Variants in CD8B2 observed in about 807,000 individuals in gnomAD.
The protein encoded by CD8B2 is CD8B family member 2.
CD8B2 carries 11 observed loss-of-function variants against 23.7 expected under a neutral mutation model. The ratio of observed to expected loss-of-function variants is 0.46; its 90% confidence interval spans 0.29 to 0.77. CD8B2 has a LOEUF of 0.77. Among genes scored for constraint, CD8B2 ranks in the 30% least tolerant of loss-of-function variants. The pLI, the probability that CD8B2 is intolerant of heterozygous loss-of-function variation, is 0.09. For synonymous variants in CD8B2, 90 were observed against 109.3 expected, an observed-to-expected ratio of 0.82 and a Z score of 1.10; for missense variants, 197 against 270.5, an observed-to-expected ratio of 0.73 and a Z score of 1.91.
intron 5 of CD8B2, among the ~76,000 whole-genome samples, chr2:106,527,821 A>ACAAG (rs1679935876): frequency 6.6e-6 from 1 of 151,022 alleles, no homozygotes; most frequent in Admixed American, 6.6e-5. Flanking sequence ...AAACAAACAA[A>ACAAG]CAAACAAAAA....
chr2:106,514,076 C>T (rs1294565943), downstream of CD8B2, among the ~76,000 whole-genome samples: 1 of 146,204 alleles, frequency 6.8e-6, no homozygotes, highest in African/African-American at 2.6e-5. Context: ...GAAAGGCTCA[C>T]AGTGGCTCAG....
chr2:106,529,243 C>T (rs559811593), intron 5 of CD8B2, among the ~76,000 whole-genome samples: 4 of 152,076 alleles, frequency 2.6e-5, no homozygotes, highest in Admixed American at 2.0e-4. Flanking sequence ...TAGAAGTGGC[C>T]GCAGGAAAGA....
intron 5 of CD8B2, 116 bp from the exon 6 acceptor site, chr2:106,506,812 C>T: frequency 2.8e-6 from 4 of 1,432,746 alleles, no homozygotes; most frequent in Non-Finnish European, 2.8e-6. Flanking sequence ...AAACTCTCGG[C>T]CCCAGGCTAC....
rs1679295827 is a variant in CD8B2 at position 106,496,165 on chromosome 2, T to C, written c.404-8T>C. ...GGCTAAGATATGTGTCTTGCTTTCTTTCTGTAGTTGATTTCCTTCCCACCA... is the reference window on the plus strand; with the variant it reads ...GGCTAAGATATGTGTCTTGCTTTCTCTCTGTAGTTGATTTCCTTCCCACCA... On this transcript the variant is annotated splice_polypyrimidine_tract_variant and splice_region_variant and intron_variant, in intron 2 of 5. Coordinates refer to ENST00000643224, the MANE Select transcript of CD8B2 (RefSeq NM_001349727.2). The C allele has an allele frequency of 6.5e-7, 1 of 1,542,314 alleles. No homozygotes were observed. Among genetic ancestry groups the C allele is most frequent in the Non-Finnish European group, 8.8e-7 (1 of 1,140,870 alleles).
intron 5 of CD8B2, among the ~76,000 whole-genome samples, chr2:106,541,342 C>A (rs191869435): frequency 6.6e-6 from 1 of 152,308 alleles, no homozygotes; most frequent in African/African-American, 2.4e-5. Flanking sequence ...CCTCTTCCCC[C>A]AAAACCAGAT....
At chr2:106,533,300 A>G (rs1680019040) in intron 5 of CD8B2, among the ~76,000 whole-genome samples, 1 of 152,196 alleles carries the variant, frequency 6.6e-6, no homozygotes, top group South Asian at 2.1e-4. Context: ...AAACATCTTT[A>G]AAGGAACAGG....
chr2:106,496,026 C>T lies in CD8B2; in HGVS notation c.404-147C>T, dbSNP rs532757776. ...GTTGCCCAGGCTGGTCTCAACCTCC[C>T]GAGCTCAAATGATCTCCTGCCTTGG... On this transcript the variant is annotated intron_variant, in intron 2 of 5. Coordinates refer to ENST00000643224, the MANE Select transcript of CD8B2 (RefSeq NM_001349727.2). 7.5e-4 allele frequency: 1,027 copies of T among 1,361,792 alleles called. 3 individuals are homozygous for T. The highest frequency in any genetic ancestry group is 8.9e-4 in the Non-Finnish European group (882 of 995,020). The allele number at this position is 1,361,792 out of a possible 1,614,324, so 84.4% of individuals were successfully genotyped here. A position where few individuals can be genotyped will look rare whatever the true frequency, so the allele number is the denominator to read the frequency against.
rs186536815 is a variant in CD8B2, at chr2:106,529,359, T to C, written c.621-14633T>C. Among the ~76,000 whole-genome samples, 162 of 152,164 alleles carry C rather than the reference T, an allele frequency of 1.1e-3. 2 individuals carry two copies. Among genetic ancestry groups the C allele is most frequent in the African/African-American group, 3.8e-3 (158 of 41,558 alleles). ...AAGATGGAGCATTGGTTGTTCTTAGTTGTCCTTGGTATCCCCTTAATGAGC... is the reference window on the plus strand; with the variant it reads ...AAGATGGAGCATTGGTTGTTCTTAGCTGTCCTTGGTATCCCCTTAATGAGC... On this transcript the variant is annotated intron_variant, in intron 5 of 5. Coordinates refer to the CD8B2 transcript ENST00000416057.
chr2:106,534,795 T>C (rs1324655148), intron 5 of CD8B2, among the ~76,000 whole-genome samples: 1 of 148,734 alleles, frequency 6.7e-6, no homozygotes, highest in Non-Finnish European at 1.5e-5. Flanking sequence ...TATATATTTT[T>C]AAAATTGAGA....
In CD8B2 at chr2:106,488,666, G is replaced by C. The variant is rs578230870; in HGVS notation, c.43+1197G>C. On this transcript the variant is annotated intron_variant, in intron 1 of 5. Transcript: ENST00000643224. ...GTCAGGTTCTGGGGTCCCACAAGCT[G>C]GGTTTTAATCTGGATCACTGTGTGA... Among the ~76,000 whole-genome samples the C allele has an allele frequency of 1.2e-4, 19 of 152,272 alleles. No individual in the cohort carries two copies. The East Asian group carries it at 1.4e-3, about 11-fold the overall frequency.
downstream of CD8B2, among the ~76,000 whole-genome samples, chr2:106,512,645 A>G (rs1296914639): frequency 3.6e-4 from 54 of 151,750 alleles, no homozygotes; most frequent in Non-Finnish European, 6.2e-4. Context: ...AGGTCTCGCT[A>G]TGTTGCCCAG....
chr2:106,541,860 G>A (rs555382549), intron 5 of CD8B2, among the ~76,000 whole-genome samples: 1 of 152,120 alleles, frequency 6.6e-6, no homozygotes, highest in African/African-American at 2.4e-5. Flanking sequence ...ACTCCACCAC[G>A]AATCTGCCCT....
chr2:106,507,741 G>A lies in CD8B2; in HGVS notation c.*801G>A. ...GTGCTCAGTGGAACAGAAACCAGAAGGAGAAAATTTGTACATCCTCCTTTT... is the reference window on the plus strand; with the variant it reads ...GTGCTCAGTGGAACAGAAACCAGAAAGAGAAAATTTGTACATCCTCCTTTT... On this transcript the variant is annotated 3_prime_UTR_variant, in exon 6 of 6. Transcript: ENST00000643224. 1 of 687,990 alleles carries A rather than the reference G, an allele frequency of 1.5e-6. No homozygotes were observed. 42.6% of individuals were successfully genotyped at this position (687,990 alleles called of 1,614,324 possible). A position where few individuals can be genotyped will look rare whatever the true frequency, so the allele number is the denominator to read the frequency against.
At chr2:106,500,626 C>T (rs1212815119) in intron 3 of CD8B2, among the ~76,000 whole-genome samples, 2 of 151,850 alleles carry the variant, frequency 1.3e-5, no homozygotes, top group East Asian at 3.9e-4. Context: ...ATGTACTTAG[C>T]ACATATGTAT....
At chr2:106,516,864 A>G (rs1679736746) in intron 5 of CD8B2, among the ~76,000 whole-genome samples, 1 of 150,428 alleles carries the variant, frequency 6.6e-6, no homozygotes, top group Admixed American at 6.6e-5. Context: ...TTCAAAATTT[A>G]TTATTCAGAA....
intron 1 of CD8B2, among the ~76,000 whole-genome samples, chr2:106,490,520 A>G (rs1215840723): frequency 2.6e-5 from 4 of 152,188 alleles, no homozygotes; most frequent in Non-Finnish European, 5.9e-5. Context: ...CCTGGGCAAC[A>G]TAACAAGACC....
chr2:106,541,979 GA>G (rs1195898961), intron 5 of CD8B2, among the ~76,000 whole-genome samples: 2 of 152,114 alleles, frequency 1.3e-5, no homozygotes, highest in Non-Finnish European at 2.9e-5. Context: ...TCTCTGGCGG[GA>G]CCACCGTTCC....
intron 2 of CD8B2, among the ~76,000 whole-genome samples, 190 bp from the exon 3 acceptor site, chr2:106,495,983 G>A (rs1331730097): frequency 1.3e-5 from 2 of 152,018 alleles, no homozygotes; most frequent in Non-Finnish European, 2.9e-5. Flanking sequence ...ATTTTTTGTA[G>A]AGAGGGGGTT....
At chr2:106,541,519 T>G (rs1451377024) in intron 5 of CD8B2, among the ~76,000 whole-genome samples, 2 of 152,134 alleles carry the variant, frequency 1.3e-5, no homozygotes, top group South Asian at 2.1e-4. Context: ...ACAGGACAGC[T>G]CCCACAACCA....
Sources: gnomAD v4.1 joint callset for allele counts (sites outside exome capture counted in the v4.1 genomes callset) on GRCh38, gnomAD v4.1.1 for gene constraint, MANE v1.5 for transcripts, NCBI Gene and HGNC (gene_info 2026-07-23, HGNC 2026-07-21) for gene names.